Variants in SKAP2 observed in about 807,000 individuals in gnomAD.
SKAP2 encodes src kinase associated phosphoprotein 2.
SKAP2 carries 28 observed loss-of-function variants against 54.9 expected under a neutral mutation model. The ratio of observed to expected loss-of-function variants is 0.51; its 90% CI spans 0.38 to 0.70. The LOEUF (loss-of-function observed/expected upper bound fraction) is 0.70. Among genes scored for constraint, SKAP2 ranks in the 30% least tolerant of loss-of-function variants. SKAP2 has a pLI of 0.00. For synonymous variants in SKAP2, 137 were observed against 134.3 expected, an observed-to-expected ratio of 1.02 and a Z score of -0.14; for missense variants, 356 against 424.1, an observed-to-expected ratio of 0.84 and a Z score of 1.41.
At chr7:26,673,246 C>G (rs566059853) in intron 11 of SKAP2, among the ~76,000 whole-genome samples, 2 of 152,150 alleles carry the variant, frequency 1.3e-5, no homozygotes, top group African/African-American at 4.8e-5. Context: ...ATCTGGTATC[C>G]TTCACCTATT....
the SKAP2 span, among the ~76,000 whole-genome samples, chr7:26,660,669 GTAATGA>G: frequency 6.6e-6 from 1 of 152,034 alleles, no homozygotes; most frequent in Admixed American, 6.6e-5. Flanking sequence ...CAAAGAGTAT[GTAATGA>G]TAATAATATA....
chr7:26,791,226 T>C (rs1387286604), intron 4 of SKAP2, among the ~76,000 whole-genome samples: 1 of 152,226 alleles, frequency 6.6e-6, no homozygotes, highest in African/African-American at 2.4e-5. Flanking sequence ...AAGTGATTAT[T>C]AGCCTGTACC....
chr7:26,716,418 C>T (rs115187396), intron 9 of SKAP2, among the ~76,000 whole-genome samples: 2,983 of 152,212 alleles, frequency 0.02, 98 homozygotes, highest in African/African-American at 0.068. Context: ...GTTAACATAG[C>T]TATAGTAGCT....
intron 4 of SKAP2, among the ~76,000 whole-genome samples, chr7:26,781,507 T>C (rs1783424584): frequency 6.6e-6 from 1 of 152,300 alleles, no homozygotes; most frequent in East Asian, 1.9e-4. Flanking sequence ...CTAAAACAGC[T>C]GATGAGTCAA....
the SKAP2 span, among the ~76,000 whole-genome samples, chr7:26,659,900 C>T: frequency 2.0e-5 from 3 of 152,026 alleles, no homozygotes; most frequent in East Asian, 5.8e-4. Flanking sequence ...GCTTTTAATA[C>T]CTAATGTGTA....
At chr7:26,704,470 T>G (rs1408242113) in intron 9 of SKAP2, among the ~76,000 whole-genome samples, 2 of 152,176 alleles carry the variant, frequency 1.3e-5, no homozygotes, top group Non-Finnish European at 2.9e-5. Context: ...TACAGCAAAT[T>G]AAAGCACTTT....
rs903783223 is a variant in SKAP2, at chr7:26,762,246, G to A, written c.308-22282C>T. Among the ~76,000 whole-genome samples the A allele has an allele frequency of 3.9e-5, 6 of 151,954 alleles. No homozygotes were observed. In the South Asian group the frequency reaches 6.2e-4, roughly 16 times the overall value. ...AACGTACCACTGCACTCCAGCCTGG[G>A]TGACAGAGTGAGACCCTGTCTCTAA... On this transcript the variant is annotated intron_variant, in intron 4 of 12. Transcript: ENST00000345317.
intron 9 of SKAP2, among the ~76,000 whole-genome samples, chr7:26,696,154 T>A (rs1437811344): frequency 6.6e-6 from 1 of 152,224 alleles, no homozygotes; most frequent in African/African-American, 2.4e-5. Context: ...AGGATTTTTA[T>A]ATTACTATAT....
intron 4 of SKAP2, among the ~76,000 whole-genome samples, chr7:26,759,672 C>T (rs1371636492): frequency 6.6e-6 from 1 of 152,130 alleles, no homozygotes; most frequent in East Asian, 1.9e-4. Context: ...TTCTCAACTC[C>T]AGTTATCTGA....
chr7:26,731,104 C>T (rs1341713161), intron 6 of SKAP2, among the ~76,000 whole-genome samples: 6 of 152,196 alleles, frequency 3.9e-5, no homozygotes, highest in Admixed American at 3.3e-4. Flanking sequence ...CTTTTTCAGC[C>T]ATTTCACACT....
intron 4 of SKAP2, among the ~76,000 whole-genome samples, chr7:26,799,722 T>C (rs1294005169): frequency 1.3e-5 from 2 of 152,270 alleles, no homozygotes; most frequent in Middle Eastern, 3.4e-3. Flanking sequence ...CTAACAGATA[T>C]CTACAAAACA....
intron 4 of SKAP2, among the ~76,000 whole-genome samples, chr7:26,821,727 T>C (rs2127990469): frequency 6.6e-6 from 1 of 152,260 alleles, no homozygotes; most frequent in Admixed American, 6.5e-5. Context: ...GAGAAAAGAA[T>C]CTAAGTATCA....
At chr7:26,855,403 T>C (rs1303727797) in intron 1 of SKAP2, among the ~76,000 whole-genome samples, 1 of 152,098 alleles carries the variant, frequency 6.6e-6, no homozygotes, top group African/African-American at 2.4e-5. Context: ...AAGGAAAAAG[T>C]AAATCCACTT....
intron 9 of SKAP2, among the ~76,000 whole-genome samples, chr7:26,694,890 G>T (rs10228105): frequency 0.23 from 35,509 of 151,922 alleles, 4,936 homozygotes; most frequent in African/African-American, 0.38. Flanking sequence ...TACCCTAATA[G>T]GGATTGCAAA....
At chr7:26,665,606 A>G (rs930675822), downstream of SKAP2, among the ~76,000 whole-genome samples, 8 of 152,198 alleles carry the variant, frequency 5.3e-5, no homozygotes, top group African/African-American at 1.7e-4. Flanking sequence ...TAATGGTAGA[A>G]CAGATTCTAC....
At chr7:26,702,011 T>C (rs1787038040) in intron 9 of SKAP2, among the ~76,000 whole-genome samples, 1 of 152,168 alleles carries the variant, frequency 6.6e-6, no homozygotes, top group Non-Finnish European at 1.5e-5. Flanking sequence ...TCGGTGGCTA[T>C]CATGGATTCT....
Position 26,854,851 on chromosome 7 carries a change from T to C in SKAP2, c.107A>G (p.Asn36Ser), listed in dbSNP as rs759161151. 1.3e-6 allele frequency: 2 copies of C among 1,599,318 alleles called. No homozygotes were observed. The highest frequency in any genetic ancestry group is 3.3e-5 in the Admixed American group (2 of 59,832). The change falls in exon 2 of 13, where the codon AAT becomes AGT. Residue 36 changes from asparagine to serine, a missense_variant. Physicochemically the swap from Asn to Ser is conservative, Grantham distance 46. Coordinates refer to ENST00000345317, the MANE Select transcript of SKAP2 (RefSeq NM_003930.5). ...CTTTTCCTTTGCTTTCTTGGATAAA[T>C]TTTCTCCTTTCAGTATATCTGCTAC... ...TFVADILKGE[N>S]LSKKAKEKRE...
chr7:26,863,256 A>T (rs1459680376), intron 1 of SKAP2, among the ~76,000 whole-genome samples: 1 of 152,186 alleles, frequency 6.6e-6, no homozygotes, highest in African/African-American at 2.4e-5. Flanking sequence ...TTGCTATAGG[A>T]GTAACATATA....
intron 4 of SKAP2, among the ~76,000 whole-genome samples, chr7:26,821,225 CAT>C (rs1020082222): frequency 1.3e-5 from 2 of 151,790 alleles, no homozygotes; most frequent in Non-Finnish European, 2.9e-5. Context: ...GACATAGTAA[CAT>C]AACATGATGC....
Sources: gnomAD v4.1 joint callset for allele counts (sites outside exome capture counted in the v4.1 genomes callset) on GRCh38, gnomAD v4.1.1 for gene constraint, MANE v1.5 for transcripts, NCBI Gene and HGNC (gene_info 2026-07-23, HGNC 2026-07-21) for gene names.